The following PCDHA13 variants were observed in gnomAD, a reference collection of about 807,000 sequenced individuals.
PCDHA13 encodes the protein protocadherin alpha-13.
A neutral mutation model predicts 64.8 loss-of-function variants in PCDHA13; 54 were observed. The ratio of observed to expected loss-of-function variants is 0.83; its 90% confidence interval spans 0.67 to 1.04. PCDHA13 has a LOEUF of 1.04. Ranked by LOEUF, PCDHA13 falls within the 50% of genes least tolerant of loss-of-function variation. The pLI, the probability that PCDHA13 is intolerant of heterozygous loss-of-function variation, is 0.00. For synonymous variants in PCDHA13, 587 were observed against 564.4 expected (o/e 1.04, Z -0.57); for missense variants, 1,248 against 1,254.3 (o/e 0.99, Z 0.08).
chr5:140,904,742 T>G (rs1300439121), intron 1 of PCDHA13, among the ~76,000 whole-genome samples: 1 of 152,216 alleles, frequency 6.6e-6, no homozygotes, highest in African/African-American at 2.4e-5. Context: ...TTTTTTATTA[T>G]GACCATTTTT....
rs2058967821 is a variant in PCDHA13, at chr5:140,882,136, A to T, written c.-133A>T. 14 of 1,486,890 alleles carry T rather than the reference A, an allele frequency of 9.4e-6. No individual in the cohort carries two copies. Among genetic ancestry groups the T allele is most frequent in the Non-Finnish European group, 1.3e-5 (14 of 1,112,880 alleles). 92.1% of individuals were successfully genotyped at this position (1,486,890 alleles called of 1,614,324 possible). ...CCGCCGTTTCTTTCTTCCTGCAGAA[A>T]ATATAGCAGAAAGCGGAATACCTCT... On this transcript the variant is annotated 5_prime_UTR_variant, in exon 1 of 4. Coordinates refer to ENST00000289272, the MANE Select transcript of PCDHA13 (RefSeq NM_018904.3).
intron 1 of PCDHA13, among the ~76,000 whole-genome samples, chr5:140,892,705 T>C (rs1395351366): frequency 6.6e-6 from 1 of 152,210 alleles, no homozygotes; most frequent in Non-Finnish European, 1.5e-5. Flanking sequence ...TCAGGGTAAT[T>C]AGCATATTCA....
At chr5:140,961,690 C>T (rs573918307) in intron 1 of PCDHA13, among the ~76,000 whole-genome samples, 2 of 152,154 alleles carry the variant, frequency 1.3e-5, no homozygotes, top group African/African-American at 4.8e-5. Context: ...CGGAGTAGTC[C>T]TTAGTATGAA....
chr5:140,930,055 A>G (rs1249446079), intron 1 of PCDHA13: 2 of 152,206 alleles, frequency 1.3e-5, no homozygotes, highest in Admixed American at 6.5e-5. Context: ...GTTTTTGCTT[A>G]CACAAAAACT....
At chr5:140,921,202 C>T (rs528515993) in intron 1 of PCDHA13, among the ~76,000 whole-genome samples, 20 of 151,968 alleles carry the variant, frequency 1.3e-4, no homozygotes, top group African/African-American at 3.6e-4. Context: ...AGATTGACAA[C>T]GATAATTCAC....
intron 3 of PCDHA13, among the ~76,000 whole-genome samples, chr5:140,994,216 G>A (rs2097604981): frequency 6.6e-6 from 1 of 152,178 alleles, no homozygotes; most frequent in Non-Finnish European, 1.5e-5. Flanking sequence ...GGGACCCAGG[G>A]TCTGTCTATG....
chr5:140,895,442 C>T (rs2065008027), intron 1 of PCDHA13, among the ~76,000 whole-genome samples: 1 of 152,148 alleles, frequency 6.6e-6, no homozygotes. Context: ...AGACTCTTTT[C>T]ATGTGCTTAT....
rs1554217734 is a variant in PCDHA13, at chr5:140,946,611, A to AATATATATATATATAT, written c.2395-32332_2395-32317dup. Among the ~76,000 whole-genome samples, 269 of 86,770 alleles carry AATATATATATATATAT rather than the reference A, an allele frequency of 3.1e-3. 3 individuals carry two copies. The highest frequency in any genetic ancestry group is 0.011 in the Middle Eastern group (2 of 186). 56.9% of individuals were successfully genotyped at this position (86,770 alleles called of 152,430 possible). A position where few individuals can be genotyped will look rare whatever the true frequency, so the allele number is the denominator to read the frequency against. On this transcript the variant is annotated intron_variant, in intron 1 of 3. Coordinates refer to ENST00000289272, the MANE Select transcript of PCDHA13 (RefSeq NM_018904.3). ...GGATGAATAGATAAAGAAAATGTGAAATATATATATATATATATATACAAT... is the reference window on the plus strand; with the variant it reads ...GGATGAATAGATAAAGAAAATGTGAAATATATATATATATATATATATATATATATATATATACAAT...
intron 1 of PCDHA13, among the ~76,000 whole-genome samples, chr5:140,973,636 T>C (rs535388717): frequency 6.6e-6 from 1 of 152,234 alleles, no homozygotes; most frequent in Non-Finnish European, 1.5e-5. Flanking sequence ...CTTGTACACA[T>C]TCTGACTGAA....
At chr5:140,915,362 A>C (rs2077085780) in intron 1 of PCDHA13, among the ~76,000 whole-genome samples, 2 of 152,274 alleles carry the variant, frequency 1.3e-5, no homozygotes, top group East Asian at 3.9e-4. Flanking sequence ...TATTCTTACC[A>C]GTAAGTGTCT....
chr5:140,909,380 C>T (rs1247939021), intron 1 of PCDHA13, among the ~76,000 whole-genome samples: 2 of 152,194 alleles, frequency 1.3e-5, no homozygotes, highest in East Asian at 1.9e-4. Context: ...AATGAAACCA[C>T]ATCTAGTACA....
At chr5:140,941,214 C>CCTTTCTTCCTTTCTTTCTTTCTTTCTTT (rs2092875794) in intron 1 of PCDHA13, among the ~76,000 whole-genome samples, 1 of 122,414 alleles carries the variant, frequency 8.2e-6, no homozygotes, top group Non-Finnish European at 1.7e-5. Flanking sequence ...TTTCTTTCTT[C>CCTTTCTTCCTTTCTTTCTTTCTTTCTTT]CTTTCTTTCT....
At chr5:140,897,028 A>G (rs2065844542) in intron 1 of PCDHA13, among the ~76,000 whole-genome samples, 2 of 152,046 alleles carry the variant, frequency 1.3e-5, no homozygotes, top group Admixed American at 6.6e-5. Context: ...AATTATTTAG[A>G]CCATAGTCAC....
At chr5:140,966,749 C>T (rs1554228607) in intron 1 of PCDHA13, 1 of 1,428,076 alleles carries the variant, frequency 7.0e-7, no homozygotes, top group Middle Eastern at 2.5e-4. Flanking sequence ...CCGGCTGCCT[C>T]CGCCGCGGCC....
chr5:140,915,453 A>G (rs963973003), intron 1 of PCDHA13, among the ~76,000 whole-genome samples: 13 of 152,232 alleles, frequency 8.5e-5, no homozygotes, highest in African/African-American at 2.9e-4. Context: ...AAGGTTTTCC[A>G]GAAGGTTTTT....
At chr5:141,002,333 G>A (rs782123745) in intron 3 of PCDHA13, among the ~76,000 whole-genome samples, 15 of 152,314 alleles carry the variant, frequency 9.8e-5, no homozygotes, top group Non-Finnish European at 1.8e-4. Flanking sequence ...GGCTGCATCC[G>A]CACCCCTTCC....
rs1444938392 is a variant in PCDHA13, at chr5:140,884,363, T to A, written c.2095T>A (p.Tyr699Asn). 1 of 1,613,818 alleles carries A rather than the reference T, an allele frequency of 6.2e-7. No homozygotes were observed. Among genetic ancestry groups the A allele is most frequent in the African/African-American group, 1.3e-5 (1 of 74,928 alleles). ...PEAALVDVNV[Y>N]LIIAICAVSS... is the part of the protein sequence containing the mutation. ...AGCGGCGCTGGTGGATGTCAATGTT[T>A]ACTTGATCATTGCCATCTGCGCGGT... The change falls in exon 1 of 4, where the codon TAC becomes AAC. Residue 699 changes from tyrosine (Y) to asparagine (N), a missense_variant. Coordinates refer to ENST00000289272, the MANE Select transcript of PCDHA13 (RefSeq NM_018904.3).
chr5:140,963,811 G>A (rs2153736544), intron 1 of PCDHA13, among the ~76,000 whole-genome samples: 1 of 152,288 alleles, frequency 6.6e-6, no homozygotes, highest in Middle Eastern at 3.4e-3. Context: ...TAGTCACTGT[G>A]CAAATTGCTT....
In PCDHA13 at chr5:140,883,607, G is replaced by A. The variant is rs782736793; in HGVS notation, c.1339G>A (p.Asp447Asn). ...ATASVSVGVA[D>N]VNDNAPAFAQ... ...GGCCAGCGTGTCGGTGGGGGTGGCC[G>A]ACGTGAACGACAACGCGCCGGCGTT... The change falls in exon 1 of 4, where the codon GAC (aspartate) becomes AAC (asparagine). Residue 447 changes from aspartate (D) to asparagine (N), a missense_variant. Asp to Asn is a conservative substitution (Grantham distance 23). Coordinates refer to ENST00000289272, the MANE Select transcript of PCDHA13 (RefSeq NM_018904.3). 6.2e-7 allele frequency: 1 copy of A among 1,613,968 alleles called. No homozygotes were observed. Among genetic ancestry groups the A allele is most frequent in the Non-Finnish European group, 8.5e-7 (1 of 1,179,920 alleles).
Sources: gnomAD v4.1 joint callset for allele counts (sites outside exome capture counted in the v4.1 genomes callset) on GRCh38, gnomAD v4.1.1 for gene constraint, MANE v1.5 for transcripts, NCBI Gene and HGNC (gene_info 2026-07-23, HGNC 2026-07-21) for gene names.